FARP1: variants seen among roughly 807,000 people sequenced by gnomAD.
The protein encoded by FARP1 is FERM, ARH/RhoGEF and pleckstrin domain protein 1, also known as FERM, ARHGEF and pleckstrin domain-containing protein 1.
FARP1 carries 52 observed loss-of-function variants against 128.8 expected under a neutral mutation model. The ratio of observed to expected loss-of-function variants is 0.40; its 90% CI spans 0.32 to 0.51. The LOEUF (loss-of-function observed/expected upper bound fraction) is 0.51. Ranked by LOEUF, FARP1 falls within the 20% of genes least tolerant of loss-of-function variation. FARP1 has a pLI of 0.45. For synonymous variants in FARP1, 580 were observed against 551.8 expected (o/e 1.05, Z -0.72); for missense variants, 1,333 against 1,367.9 (o/e 0.97, Z 0.40).
intron 15 of FARP1, among the ~76,000 whole-genome samples, chr13:98,411,278 C>A (rs1314443000): frequency 6.6e-6 from 1 of 152,160 alleles, no homozygotes; most frequent in Non-Finnish European, 1.5e-5. Flanking sequence ...GTCTTGAAAA[C>A]AAATTCAGGG....
intron 2 of FARP1, among the ~76,000 whole-genome samples, chr13:98,262,178 G>C (rs1883915890): frequency 6.9e-6 from 1 of 145,886 alleles, no homozygotes; most frequent in Non-Finnish European, 1.5e-5. Flanking sequence ...ACCGCGCCCT[G>C]CTAATTTTTT....
chr13:98,284,306 T>C (rs1463889428), intron 2 of FARP1, among the ~76,000 whole-genome samples: 2 of 152,086 alleles, frequency 1.3e-5, no homozygotes, highest in African/African-American at 4.8e-5. Context: ...AACACTTGGA[T>C]AACCAATGCC....
chr13:98,206,405 T>G (rs1268554297), intron 1 of FARP1, among the ~76,000 whole-genome samples: 1 of 152,214 alleles, frequency 6.6e-6, no homozygotes, highest in East Asian at 1.9e-4. Context: ...TTACTGTGAA[T>G]CTGCACACCT....
chr13:98,363,260 C>CTT (rs1002401919), intron 3 of FARP1, among the ~76,000 whole-genome samples: 26 of 152,168 alleles, frequency 1.7e-4, no homozygotes, highest in Non-Finnish European at 1.5e-5. Context: ...TTTTTACTGT[C>CTT]TGTTTTCATA....
intron 2 of FARP1, among the ~76,000 whole-genome samples, chr13:98,272,174 C>T (rs1363014857): frequency 4.6e-5 from 7 of 151,974 alleles, no homozygotes; most frequent in East Asian, 3.9e-4. Flanking sequence ...GGATTATAGG[C>T]GCCTCCCACC....
chr13:98,446,887 C>T lies in FARP1; in HGVS notation c.3056+70C>T. On this transcript the variant is annotated intron_variant, in intron 26 of 26. Coordinates refer to ENST00000319562, the MANE Select transcript of FARP1 (RefSeq NM_005766.4). ...CCCTCTTCCAAACATCAGGATTTCT[C>T]CCAAGTCAGCGAGTGAGATGGCCCC... The T allele has an allele frequency of 3.9e-6, 6 of 1,549,326 alleles. 1 individual carries two copies. In the South Asian group the frequency reaches 5.8e-5, roughly 15 times the overall value.
intron 2 of FARP1, among the ~76,000 whole-genome samples, chr13:98,287,311 C>A (rs1410758687): frequency 6.9e-6 from 1 of 145,704 alleles, no homozygotes; most frequent in Non-Finnish European, 1.5e-5. Flanking sequence ...GCCACTGCAA[C>A]CTTCTCCTCC....
intron 2 of FARP1, among the ~76,000 whole-genome samples, chr13:98,217,369 C>T (rs1023356130): frequency 2.6e-5 from 4 of 152,104 alleles, no homozygotes; most frequent in African/African-American, 4.8e-5. Flanking sequence ...CAGTTGCAGG[C>T]GGGTGGACGA....
rs1488754536 is a variant in FARP1 at position 98,454,050 on chromosome 13, GTATATGTGCAC to G, written c.*5739_*5749del. 1.3e-5 allele frequency: 2 copies of G among 152,174 alleles called. No homozygotes were observed. Among genetic ancestry groups the G allele is most frequent in the African/African-American group, 4.8e-5 (2 of 41,432 alleles). 9.4% of individuals were successfully genotyped at this position (152,174 alleles called of 1,614,324 possible). A position where few individuals can be genotyped will look rare whatever the true frequency, so the allele number is the denominator to read the frequency against. ...ATTGGGGATTTGGGATATTCAGCCT[GTATATGTGCAC>G]TATATAAGTATATTTACATGAACAA... On this transcript the variant is annotated 3_prime_UTR_variant, in exon 27 of 27. Transcript: ENST00000319562.
At chr13:98,242,989 C>T (rs1170031010) in intron 2 of FARP1, among the ~76,000 whole-genome samples, 2 of 152,138 alleles carry the variant, frequency 1.3e-5, no homozygotes. Context: ...TTTGCTATTT[C>T]TGCCCCAAGA....
chr13:98,428,365 C>T (rs940015831), intron 17 of FARP1, among the ~76,000 whole-genome samples: 4 of 152,142 alleles, frequency 2.6e-5, no homozygotes, highest in Non-Finnish European at 4.4e-5. Flanking sequence ...CCTGTCTCTC[C>T]AAGCTTCTAC....
At chr13:98,295,350 C>T (rs1271940868) in intron 2 of FARP1, among the ~76,000 whole-genome samples, 2 of 152,068 alleles carry the variant, frequency 1.3e-5, no homozygotes, top group South Asian at 2.1e-4. Context: ...CCACGAGACT[C>T]GCGTGTCCTC....
At chr13:98,225,149 C>A (rs1222805157) in intron 2 of FARP1, among the ~76,000 whole-genome samples, 1 of 152,144 alleles carries the variant, frequency 6.6e-6, no homozygotes, top group Non-Finnish European at 1.5e-5. Flanking sequence ...TTACTATTAA[C>A]CATCTTATCT....
intron 24 of FARP1, among the ~76,000 whole-genome samples, chr13:98,443,791 G>A (rs1468142437): frequency 2.6e-5 from 4 of 152,290 alleles, no homozygotes; most frequent in Non-Finnish European, 4.4e-5. Context: ...AGGCTGGAGT[G>A]GCGAGACGGG....
chr13:98,169,177 T>C (rs915382798), intron 1 of FARP1, among the ~76,000 whole-genome samples: 1 of 152,204 alleles, frequency 6.6e-6, no homozygotes, highest in Non-Finnish European at 1.5e-5. Context: ...TCCCCCATCA[T>C]CCTTTTTCCT....
At chr13:98,403,814 C>A (rs1024766250) in intron 13 of FARP1, 1 of 152,192 alleles carries the variant, frequency 6.6e-6, no homozygotes, top group Non-Finnish European at 1.5e-5. Context: ...AGTGTATGCA[C>A]GGTATTAATA....
Position 98,395,352 on chromosome 13 carries a change from G to A in FARP1, c.1290G>A (p.Pro430=), listed in dbSNP as rs1469431891. Residue 430 remains proline (P), a synonymous_variant, in exon 13 of 27, where the codon CCG becomes CCA. Coordinates refer to ENST00000319562, the MANE Select transcript of FARP1 (RefSeq NM_005766.4). ...GEPGSHPSPA[P]RRSPAGNKQA... ...CGGGGTCGCACCCGAGCCCTGCGCC[G>A]AGGAGAAGCCCCGCGGGTAACAAGC... The A allele has an allele frequency of 5.0e-6, 8 of 1,611,590 alleles. No homozygotes were observed. The East Asian group carries it at 6.7e-5, about 13-fold the overall frequency.
chr13:98,249,881 A>G (rs542922031), intron 2 of FARP1, among the ~76,000 whole-genome samples: 1 of 152,146 alleles, frequency 6.6e-6, no homozygotes, highest in African/African-American at 2.4e-5. Flanking sequence ...CTCTCCCTTC[A>G]GTTACATATG....
At chr13:98,428,700 CAT>C (rs1342017234) in intron 17 of FARP1, among the ~76,000 whole-genome samples, 3 of 152,350 alleles carry the variant, frequency 2.0e-5, no homozygotes, top group Non-Finnish European at 2.9e-5. Context: ...ACCGTCAACT[CAT>C]GTGTCCTCCC....
Sources: allele counts gnomAD v4.1 joint callset (sites outside exome capture counted in the v4.1 genomes callset), GRCh38; gene constraint gnomAD v4.1.1; transcripts MANE v1.5; gene names NCBI Gene and HGNC (gene_info 2026-07-23, HGNC 2026-07-21).